HGSNAT: variants seen among roughly 807,000 people sequenced by gnomAD.
The protein encoded by HGSNAT is transmembrane protein 76.
HGSNAT carries 59 observed loss-of-function variants against 85.2 expected under a neutral mutation model. That is an observed-to-expected ratio of 0.69 (90% confidence interval 0.56 to 0.86). The LOEUF (loss-of-function observed/expected upper bound fraction) is 0.86, where lower values mean the gene tolerates loss of function less well. Ranked by LOEUF, HGSNAT falls within the 40% of genes least tolerant of loss-of-function variation. The pLI is 0.00. For missense variants in HGSNAT, 756 were observed against 777.1 expected, an observed-to-expected ratio of 0.97 and a Z score of 0.32; for synonymous variants, 321 against 304.5, an observed-to-expected ratio of 1.05 and a Z score of -0.56.
chr8:43,152,089 G>C (rs1802939827), intron 2 of HGSNAT, among the ~76,000 whole-genome samples: 1 of 152,178 alleles, frequency 6.6e-6, no homozygotes. Context: ...TGGGAGTTTT[G>C]AGACCAGCCT....
rs757652049 is a variant in HGSNAT at position 43,170,623 on chromosome 8, T to G, written c.672T>G (p.Gly224=). 1 of 1,610,244 alleles carries G rather than the reference T, an allele frequency of 6.2e-7. No homozygotes were observed. Among genetic ancestry groups the G allele is most frequent in the Non-Finnish European group, 8.5e-7 (1 of 1,178,328 alleles). Residue 224 remains glycine, a synonymous_variant, in exon 7 of 18, where the codon GGT becomes GGG. Transcript: ENST00000379644. ...GSPSRTDPLD[G]DVQPATWRLS... is the part of the protein sequence containing the mutation. Reference sequence around the variant, plus strand: ...CCAGCAGGACAGACCCTCTCGATGGTGATGTTCAGCCAGCAACGTGGCGTC... The same window carrying G: ...CCAGCAGGACAGACCCTCTCGATGGGGATGTTCAGCCAGCAACGTGGCGTC...
intron 9 of HGSNAT, chr8:43,174,375 T>G (rs1392410316): frequency 6.6e-6 from 1 of 152,226 alleles, no homozygotes; most frequent in Non-Finnish European, 1.5e-5. Context: ...TCCTATTTCC[T>G]GAAGAATTAC....
At chr8:43,154,727 A>C (rs1803036946) in intron 2 of HGSNAT, among the ~76,000 whole-genome samples, 1 of 152,182 alleles carries the variant, frequency 6.6e-6, no homozygotes, top group Admixed American at 6.6e-5. Context: ...TGGCTGGGTC[A>C]AATGGTATTT....
At position 43,200,503 on chromosome 8, in the gene HGSNAT, T is replaced by C. The variant is rs1054495793; in HGVS notation, c.*934T>C. The C allele has an allele frequency of 6.6e-6, 1 of 152,214 alleles. No homozygotes were observed. Among genetic ancestry groups the C allele is most frequent in the Non-Finnish European group, 1.5e-5 (1 of 68,040 alleles). The allele number at this position is 152,214 out of a possible 1,614,324, so 9.4% of individuals were successfully genotyped here. ...TTCTGAAATCTTCAGAAGAAATAGT[T>C]CCATTACAGAAAACTCTTCAAAATA... On this transcript the variant is annotated 3_prime_UTR_variant, in exon 18 of 18. Coordinates refer to ENST00000379644, the MANE Select transcript of HGSNAT (RefSeq NM_152419.3).
intron 5 of HGSNAT, among the ~76,000 whole-genome samples, chr8:43,168,962 A>C (rs1467282143): frequency 6.6e-6 from 1 of 152,152 alleles, no homozygotes; most frequent in Non-Finnish European, 1.5e-5. Context: ...TGTTTTATTG[A>C]TGAGGAAACT....
intron 2 of HGSNAT, among the ~76,000 whole-genome samples, chr8:43,153,024 T>TC (rs1196728192): frequency 6.7e-6 from 1 of 148,340 alleles, no homozygotes; most frequent in African/African-American, 2.5e-5. Flanking sequence ...TAATATTGTC[T>TC]CCCCCGACAA....
rs1233063672 is a variant in HGSNAT at position 43,200,350 on chromosome 8, T to C, written c.*781T>C. Reference sequence around the variant, plus strand: ...GTGGGTCCAGCTGAGCCATCCCTGCTGGGTGATGCTGGGCAAGACCCTTGG... The same window carrying C: ...GTGGGTCCAGCTGAGCCATCCCTGCCGGGTGATGCTGGGCAAGACCCTTGG... On this transcript the variant is annotated 3_prime_UTR_variant, in exon 18 of 18. Transcript: ENST00000379644. 2 of 152,192 alleles carry C rather than the reference T, an allele frequency of 1.3e-5. No individual in the cohort carries two copies. Among genetic ancestry groups the C allele is most frequent in the Non-Finnish European group, 2.9e-5 (2 of 68,070 alleles). The allele number at this position is 152,192 out of a possible 1,614,324, so 9.4% of individuals were successfully genotyped here. A position where few individuals can be genotyped will look rare whatever the true frequency, so the allele number is the denominator to read the frequency against.
At chr8:43,196,398 T>C (rs1451277252) in intron 14 of HGSNAT, 2 of 1,204,038 alleles carry the variant, frequency 1.7e-6, no homozygotes, top group South Asian at 2.5e-5. Flanking sequence ...ACCCTGCCTC[T>C]GGTTCCACCC....
intron 11 of HGSNAT, among the ~76,000 whole-genome samples, chr8:43,187,485 C>T (rs181714043): frequency 1.3e-4 from 19 of 151,698 alleles, no homozygotes; most frequent in African/African-American, 2.2e-4. Context: ...TTTTGTTTTC[C>T]GTTTACCTGG....
intron 2 of HGSNAT, among the ~76,000 whole-genome samples, chr8:43,148,663 G>T (rs1360413855): frequency 6.6e-6 from 1 of 151,388 alleles, no homozygotes; most frequent in African/African-American, 2.4e-5. Context: ...GGTAGCAGGT[G>T]CCTGTAATCA....
At position 43,178,085 on chromosome 8, in the gene HGSNAT, T is replaced by C; in HGVS notation, c.863T>C (p.Ile288Thr). 1 of 1,612,938 alleles carries C rather than the reference T, an allele frequency of 6.2e-7. No homozygotes were observed. The highest frequency in any genetic ancestry group is 8.5e-7 in the Non-Finnish European group (1 of 1,179,466). Residue 288 changes from isoleucine to threonine, a missense_variant, in exon 10 of 18, where the codon ATT (isoleucine) becomes ACT (threonine). Physicochemically the swap from Ile to Thr is moderately conservative, Grantham distance 89. Coordinates refer to ENST00000379644, the MANE Select transcript of HGSNAT (RefSeq NM_152419.3). ...TAGATTCTTTTTAGGTTTGTATTTA[T>C]TATGGGATCTTCCATTTTTCTATCG... ...ADLVFPWFVF[I>T]MGSSIFLSMT...
At chr8:43,158,870 A>G (rs72647300) in intron 3 of HGSNAT, 53 bp from the exon 4 acceptor site, 91 of 1,569,518 alleles carry the variant, frequency 5.8e-5, no homozygotes, top group Non-Finnish European at 7.9e-5. Flanking sequence ...GCAAAATCCA[A>G]CTTCTTATTT....
At chr8:43,151,452 C>T (rs1306772632) in intron 2 of HGSNAT, among the ~76,000 whole-genome samples, 2 of 152,140 alleles carry the variant, frequency 1.3e-5, no homozygotes, top group East Asian at 3.8e-4. Flanking sequence ...CTCCACGTGT[C>T]AGTGTTACTG....
chr8:43,159,964 C>T (rs924835215), intron 4 of HGSNAT, among the ~76,000 whole-genome samples: 7 of 152,038 alleles, frequency 4.6e-5, no homozygotes, highest in African/African-American at 9.7e-5. Flanking sequence ...ATCAAAAGAA[C>T]GCAGGAGCCG....
At chr8:43,145,146 A>G (rs576104421) in intron 1 of HGSNAT, among the ~76,000 whole-genome samples, 1 of 152,308 alleles carries the variant, frequency 6.6e-6, no homozygotes, top group Admixed American at 6.5e-5. Context: ...CCCAGAAATA[A>G]ACGTTAAAGG....
In HGSNAT at chr8:43,173,752, C is replaced by T. The variant is rs755549867; in HGVS notation, c.851+9C>T. On this transcript the variant is annotated intron_variant, in intron 9 of 17. Transcript: ENST00000379644. ...GACCTCGTGTTCCCGTGGTGAGTTG[C>T]CGGTCTGCCCTCTTCTCTTCCACGG... 8.1e-6 allele frequency: 13 copies of T among 1,610,754 alleles called. No homozygotes were observed. The highest frequency in any genetic ancestry group is 1.1e-5 in the Non-Finnish European group (13 of 1,178,454).
Position 43,199,450 on chromosome 8 carries a change from T to G in HGSNAT, c.1789T>G (p.Trp597Gly). ...EVFENYFPFQ[W>G]KLKDNQSHKE... The stretch of plus-strand genomic sequence containing the variant: ...GTTTGAGAACTACTTCCCCTTTCAG[T>G]GGAAGCTGAAGGACAACCAGTCCCA... The change falls in exon 18 of 18, where the codon TGG (tryptophan) becomes GGG (glycine). Residue 597 changes from tryptophan (W) to glycine (G), a missense_variant. Physicochemically the swap from Trp to Gly is radical, Grantham distance 184. Transcript: ENST00000379644. 1 of 1,611,202 alleles carries G rather than the reference T, an allele frequency of 6.2e-7. No homozygotes were observed. Among genetic ancestry groups the G allele is most frequent in the Non-Finnish European group, 8.5e-7 (1 of 1,178,524 alleles).
At chr8:43,149,580 G>T (rs887700411) in intron 2 of HGSNAT, among the ~76,000 whole-genome samples, 1 of 151,422 alleles carries the variant, frequency 6.6e-6, no homozygotes, top group Non-Finnish European at 1.5e-5. Flanking sequence ...GGCGCCTGTA[G>T]TCCCAGCTAC....
chr8:43,163,192 A>G (rs911084260), intron 5 of HGSNAT, among the ~76,000 whole-genome samples: 1 of 152,116 alleles, frequency 6.6e-6, no homozygotes, highest in Non-Finnish European at 1.5e-5. Context: ...TCAAGAAAAA[A>G]AAAAGTAATT....
Sources: gnomAD v4.1 joint callset for allele counts (sites outside exome capture counted in the v4.1 genomes callset) on GRCh38, gnomAD v4.1.1 for gene constraint, MANE v1.5 for transcripts, NCBI Gene and HGNC (gene_info 2026-07-23, HGNC 2026-07-21) for gene names.